PSG7: variants seen among roughly 807,000 people sequenced by gnomAD.
The protein encoded by PSG7 is pregnancy specific beta-1-glycoprotein 7.
PSG7 carries 57 observed loss-of-function variants against 45.6 expected under a neutral mutation model. The observed-to-expected ratio is 1.25, with a 90% CI of 1.01 to 1.56. PSG7 has a LOEUF of 1.56. Among genes scored for constraint, PSG7 ranks in the 40% most tolerant of loss-of-function variants. PSG7 has a pLI of 0.00. For synonymous variants in PSG7, 298 were observed against 194.4 expected, an observed-to-expected ratio of 1.53 and a Z score of -4.43; for missense variants, 796 against 508.4, an observed-to-expected ratio of 1.57 and a Z score of -5.44.
chr19:42,931,736 C>A (rs926040938), intron 2 of PSG7, among the ~76,000 whole-genome samples: 4 of 151,442 alleles, frequency 2.6e-5, no homozygotes, highest in African/African-American at 9.7e-5. Context: ...CATGAGATAG[C>A]ACCTACCTGG....
At position 42,929,842 on chromosome 19, in the gene PSG7, CAG is replaced by C. The variant is rs1041043585; in HGVS notation, c.431-124_431-123del. ...CACCCAAGTCCTTAAAAGCCCATGG[CAG>C]GTGTGTGTGTTACAAGACAGATGCA... On this transcript the variant is annotated intron_variant, in intron 2 of 5. Coordinates refer to ENST00000406070, the MANE Select transcript of PSG7 (RefSeq NM_002783.3). 6 of 1,408,566 alleles carry C rather than the reference CAG, an allele frequency of 4.3e-6. No homozygotes were observed. The Admixed American group carries it at 1.3e-4, about 31-fold the overall frequency. 87.3% of individuals were successfully genotyped at this position (1,408,566 alleles called of 1,614,324 possible). A position where few individuals can be genotyped will look rare whatever the true frequency, so the allele number is the denominator to read the frequency against.
rs148521511 is a variant in PSG7, at chr19:42,934,288, G to T, written c.430+1116C>A. ...GTGCAGACTAATCAGGTGACCACTT[G>T]CTCTCACTCCTCTGAGGTTTGGATG... is the stretch of plus-strand genomic sequence containing the variant. On this transcript the variant is annotated intron_variant, in intron 2 of 5. Transcript: ENST00000406070. Among the ~76,000 whole-genome samples, 641 of 151,464 alleles carry T rather than the reference G, an allele frequency of 4.2e-3. 11 individuals are homozygous for T. The highest frequency in any genetic ancestry group is 0.015 in the African/African-American group (601 of 41,220).
intron 2 of PSG7, among the ~76,000 whole-genome samples, chr19:42,931,027 T>G (rs1438407648): frequency 6.6e-6 from 1 of 151,596 alleles, no homozygotes; most frequent in Non-Finnish European, 1.5e-5. Context: ...TAGCATCACA[T>G]CAGTGGTCAG....
rs1181990517 is a variant in PSG7, at chr19:42,933,883, G to T, written c.430+1521C>A. On this transcript the variant is annotated intron_variant, in intron 2 of 5. Coordinates refer to ENST00000406070, the MANE Select transcript of PSG7 (RefSeq NM_002783.3). ...GTTACATGAGGTGGGGTGGCTTTAGGGGCAAGAGGTAGTGGGGTGATGAAA... is the reference window on the plus strand; with the variant it reads ...GTTACATGAGGTGGGGTGGCTTTAGTGGCAAGAGGTAGTGGGGTGATGAAA... Among the ~76,000 whole-genome samples, 3 of 151,374 alleles carry T rather than the reference G, an allele frequency of 2.0e-5. 1 individual carries two copies. In the South Asian group the frequency reaches 6.3e-4, roughly 32 times the overall value.
intron 3 of PSG7, among the ~76,000 whole-genome samples, chr19:42,928,372 G>T (rs560279015): frequency 6.6e-6 from 1 of 151,500 alleles, no homozygotes; most frequent in African/African-American, 2.4e-5. Context: ...CTCACTTTGC[G>T]TAGTATTTTC....
rs553692377 is a variant in PSG7, at chr19:42,935,073, G to T, written c.430+331C>A. ...GGTCTCAGGGGGCCCCTCAGGCCAAGCCCTACTCAGTTTTCCAGGGTCTTT... is the reference window on the plus strand; with the variant it reads ...GGTCTCAGGGGGCCCCTCAGGCCAATCCCTACTCAGTTTTCCAGGGTCTTT... On this transcript the variant is annotated intron_variant, in intron 2 of 5. Coordinates refer to ENST00000406070, the MANE Select transcript of PSG7 (RefSeq NM_002783.3). Among the ~76,000 whole-genome samples the T allele has an allele frequency of 2.6e-5, 4 of 151,782 alleles. No individual in the cohort carries two copies. The East Asian group carries it at 5.8e-4, about 22-fold the overall frequency.
At chr19:42,934,542 GCTAT>G (rs1210779235) in intron 2 of PSG7, among the ~76,000 whole-genome samples, 3 of 151,552 alleles carry the variant, frequency 2.0e-5, no homozygotes, top group Non-Finnish European at 4.4e-5. Flanking sequence ...GGCTTTTCAT[GCTAT>G]CTGTGAATAA....
At position 42,929,424 on chromosome 19, in the gene PSG7, G is replaced by A. The variant is rs1972965964; in HGVS notation, c.709+18C>T. 7.4e-6 allele frequency: 12 copies of A among 1,612,100 alleles called. 1 individual carries two copies. The highest frequency in any genetic ancestry group is 2.7e-5 in the African/African-American group (2 of 74,738). ...TTGGGATGGCAGCCTGGCTAACAGAGGAACAGAAGATACTCACGGAGGAGA... is the reference window on the plus strand; with the variant it reads ...TTGGGATGGCAGCCTGGCTAACAGAAGAACAGAAGATACTCACGGAGGAGA... On this transcript the variant is annotated intron_variant, in intron 3 of 5. Coordinates refer to ENST00000406070, the MANE Select transcript of PSG7 (RefSeq NM_002783.3).
rs1414362693 is a variant in PSG7, at chr19:42,935,633, C to T, written c.201G>A (p.Trp67Ter). ...AGAGGTCCCTGATTTGTCCTTTGTA[C>T]CAGATGTAGCCAGTAAGATTCTGGG... ...NLPQNLTGYI[W>*]YKGQIRDLYH... Residue 67 changes from tryptophan (W) to a stop codon, truncating the protein, a stop_gained, in exon 2 of 6, where the codon TGG (tryptophan) becomes TGA (stop). Coordinates refer to ENST00000406070, the MANE Select transcript of PSG7 (RefSeq NM_002783.3). LOFTEE classifies it high-confidence loss of function. The T allele has an allele frequency of 3.7e-6, 6 of 1,611,982 alleles. 1 individual carries two copies. In the South Asian group the frequency reaches 5.5e-5, roughly 15 times the overall value.
intron 2 of PSG7, among the ~76,000 whole-genome samples, chr19:42,932,504 A>T (rs1393369899): frequency 2.0e-5 from 3 of 151,326 alleles, no homozygotes; most frequent in Non-Finnish European, 4.4e-5. Context: ...AAATGGGTGA[A>T]ATGAGCCCAT....
At chr19:42,932,050 GTC>G (rs1300513350) in intron 2 of PSG7, among the ~76,000 whole-genome samples, 1 of 151,140 alleles carries the variant, frequency 6.6e-6, no homozygotes, top group East Asian at 2.0e-4. Context: ...CTGAGACAGA[GTC>G]TCTCTTTGTC....
At chr19:42,925,362 A>G (rs58738566) in intron 5 of PSG7, 48,882 of 387,324 alleles carry the variant, frequency 0.13, 3,870 homozygotes, top group Admixed American at 0.18. Flanking sequence ...GGTAGAGAGC[A>G]AAAGTAAATA....
At chr19:42,936,133 C>T (rs1296700899) in intron 1 of PSG7, 5 of 235,516 alleles carry the variant, frequency 2.1e-5, no homozygotes, top group Admixed American at 2.0e-4. Flanking sequence ...TTTCCTGACA[C>T]CTCCTTCAGA....
intron 2 of PSG7, among the ~76,000 whole-genome samples, chr19:42,931,984 A>G (rs1246910580): frequency 6.6e-6 from 1 of 151,430 alleles, no homozygotes; most frequent in Non-Finnish European, 1.5e-5. Context: ...AGCTGTGTGC[A>G]GTCTACCAGT....
chr19:42,926,868 A>G, intron 3 of PSG7, 152 bp from the exon 4 acceptor site: 1 of 1,391,430 alleles, frequency 7.2e-7, no homozygotes, highest in Non-Finnish European at 9.7e-7. Context: ...TAGATGCATG[A>G]TGATCTAAGG....
chr19:42,926,703 C>T lies in PSG7; in HGVS notation c.723G>A (p.Lys241=), dbSNP rs753271366. The change falls in exon 4 of 6, where the codon AAG becomes AAA. Residue 241 remains lysine (K), a synonymous_variant. Transcript: ENST00000406070. ...TTAAGTTATTGATGGTGATGTAGGG[C>T]TTGGGCAGCTTCGCTGTGTGAATAA... ...VTLNLLPKLP[K]PYITINNLNP... is the part of the protein sequence containing the mutation. The T allele has an allele frequency of 1.6e-5, 26 of 1,610,238 alleles. No individual in the cohort carries two copies. In the South Asian group the frequency reaches 2.8e-4, roughly 17 times the overall value.
rs1972489930 is a variant in PSG7, at chr19:42,924,795, G to T, written c.*13C>A. On this transcript the variant is annotated 3_prime_UTR_variant, in exon 6 of 6. Transcript: ENST00000406070. ...TCCATGGGAGAAGATGGAATTGGAG[G>T]AACTAGTAGAATTCAGGGTAATGTC... The T allele has an allele frequency of 2.6e-6, 2 of 766,004 alleles. No homozygotes were observed. The highest frequency in any genetic ancestry group is 4.8e-6 in the Non-Finnish European group (2 of 417,044). The allele number at this position is 766,004 out of a possible 1,614,324, so 47.5% of individuals were successfully genotyped here.
At chr19:42,933,309 T>TATATA (rs1568459658) in intron 2 of PSG7, among the ~76,000 whole-genome samples, 18 of 21,122 alleles carry the variant, frequency 8.5e-4, no homozygotes, top group Non-Finnish European at 1.4e-3. Context: ...ATATATATAT[T>TATATA]TTTTTTTTTT....
At chr19:42,926,078 T>G in intron 4 of PSG7, 51 bp from the exon 5 acceptor site, 1 of 1,597,126 alleles carries the variant, frequency 6.3e-7, no homozygotes, top group East Asian at 2.2e-5. Context: ...GGGAAGGGGA[T>G]GCTCCTGGTC....
Sources: gnomAD v4.1 joint callset for allele counts (sites outside exome capture counted in the v4.1 genomes callset) on GRCh38, gnomAD v4.1.1 for gene constraint, MANE v1.5 for transcripts, NCBI Gene and HGNC (gene_info 2026-07-23, HGNC 2026-07-21) for gene names.